The following FTO variants were observed in gnomAD, a reference collection of about 807,000 sequenced individuals.
FTO encodes the protein FTO alpha-ketoglutarate dependent dioxygenase, also known as alpha-ketoglutarate-dependent dioxygenase FTO.
In FTO, 47 loss-of-function variants were observed where a neutral mutation model predicts 63.9. That is an observed-to-expected ratio of 0.74 (90% CI 0.58 to 0.94). The LOEUF (loss-of-function observed/expected upper bound fraction) is 0.94. FTO is among the 40% of genes least tolerant of loss of function. The pLI is 0.00. For missense variants in FTO, 562 were observed against 618.1 expected, an observed-to-expected ratio of 0.91 and a Z score of 0.96; for synonymous variants, 207 against 224.4, an observed-to-expected ratio of 0.92 and a Z score of 0.69.
At position 53,791,447 on chromosome 16, in the gene FTO, T is replaced by TA. The variant is rs537835340; in HGVS notation, c.46-18692dup. On this transcript the variant is annotated intron_variant, in intron 1 of 8. Coordinates refer to ENST00000471389, the MANE Select transcript of FTO (RefSeq NM_001080432.3). ...TGTAGGCTACTTAAAGAGATACCTATACACCTGCAGTTAAAATCCAAGTAA... is the reference window on the plus strand; with the variant it reads ...TGTAGGCTACTTAAAGAGATACCTATAACACCTGCAGTTAAAATCCAAGTAA... Among the ~76,000 whole-genome samples the TA allele has an allele frequency of 7.7e-4, 118 of 152,322 alleles. No homozygotes were observed. In the East Asian group the frequency reaches 0.019, roughly 24 times the overall value.
chr16:54,035,080 G>T (rs564797643), intron 8 of FTO, among the ~76,000 whole-genome samples: 2 of 152,346 alleles, frequency 1.3e-5, no homozygotes, highest in South Asian at 4.1e-4. Context: ...TGGTTTGAAA[G>T]AATTCATACA....
At chr16:53,934,656 C>G (rs2143272424) in intron 8 of FTO, among the ~76,000 whole-genome samples, 1 of 152,210 alleles carries the variant, frequency 6.6e-6, no homozygotes, top group African/African-American at 2.4e-5. Context: ...TGCTCGGGGG[C>G]TGCAAACCTG....
At chr16:53,782,381 T>C (rs1332305778) in intron 1 of FTO, among the ~76,000 whole-genome samples, 1 of 152,148 alleles carries the variant, frequency 6.6e-6, no homozygotes, top group Non-Finnish European at 1.5e-5. Context: ...GAGCCTGTGG[T>C]TTTTGCCTTA....
intron 3 of FTO, among the ~76,000 whole-genome samples, chr16:53,837,631 G>C (rs1440611739): frequency 1.3e-5 from 2 of 152,108 alleles, no homozygotes; most frequent in Non-Finnish European, 2.9e-5. Context: ...AACCCGTCAA[G>C]GAAAGCATTT....
chr16:54,000,983 G>C (rs1157882440), intron 8 of FTO, among the ~76,000 whole-genome samples: 2 of 152,142 alleles, frequency 1.3e-5, no homozygotes, highest in Non-Finnish European at 2.9e-5. Context: ...ATTTTCCCCA[G>C]CTATAAAATG....
chr16:53,858,342 G>A (rs921482992), intron 4 of FTO, among the ~76,000 whole-genome samples: 4 of 151,988 alleles, frequency 2.6e-5, no homozygotes, highest in East Asian at 1.9e-4. Flanking sequence ...AGCTTCAAAC[G>A]GAAATGTTCA....
At chr16:53,954,450 AT>A (rs1567470128) in intron 8 of FTO, among the ~76,000 whole-genome samples, 1 of 152,134 alleles carries the variant, frequency 6.6e-6, no homozygotes, top group African/African-American at 2.4e-5. Context: ...TACCTTGACT[AT>A]TCCTGAAACT....
chr16:53,722,786 C>T (rs1382928285), intron 1 of FTO, among the ~76,000 whole-genome samples: 1 of 150,980 alleles, frequency 6.6e-6, no homozygotes, highest in Non-Finnish European at 1.5e-5. Flanking sequence ...TGAGGTTGCA[C>T]CACTGCACTC....
At chr16:54,002,953 T>TG (rs1308534450) in intron 8 of FTO, among the ~76,000 whole-genome samples, 1 of 152,218 alleles carries the variant, frequency 6.6e-6, no homozygotes, top group African/African-American at 2.4e-5. Flanking sequence ...CATCCTCCCC[T>TG]GGGGGGCTCT....
At chr16:53,759,203 A>G (rs572439053) in intron 1 of FTO, among the ~76,000 whole-genome samples, 3 of 152,228 alleles carry the variant, frequency 2.0e-5, no homozygotes, top group Non-Finnish European at 4.4e-5. Flanking sequence ...TGAAAATATG[A>G]TAGCAGAAAT....
rs1023187671 is a variant in FTO, at chr16:53,784,574, G to T, written c.46-25566G>T. Reference sequence around the variant, plus strand: ...TGTTGGCAGGGAGAGGCTCCTCTGGGTGGGACTTGGGGCATCCTACCAGCG... The same window carrying T: ...TGTTGGCAGGGAGAGGCTCCTCTGGTTGGGACTTGGGGCATCCTACCAGCG... On this transcript the variant is annotated intron_variant, in intron 1 of 8. Transcript: ENST00000471389. Among the ~76,000 whole-genome samples, 17 of 152,138 alleles carry T rather than the reference G, an allele frequency of 1.1e-4. No homozygotes were observed. In the East Asian group the frequency reaches 3.3e-3, roughly 29 times the overall value.
intron 4 of FTO, among the ~76,000 whole-genome samples, chr16:53,856,514 C>A (rs968771121): frequency 3.3e-5 from 5 of 152,040 alleles, no homozygotes; most frequent in African/African-American, 1.2e-4. Flanking sequence ...AATTGAGAGA[C>A]CGAGGCAGGT....
At chr16:53,988,987 T>C (rs917022356) in intron 8 of FTO, among the ~76,000 whole-genome samples, 2 of 151,984 alleles carry the variant, frequency 1.3e-5, no homozygotes, top group Non-Finnish European at 2.9e-5. Context: ...GCCATAAAAA[T>C]GAAAAGAAAT....
rs780096283 is a variant in FTO at position 53,826,576 on chromosome 16, C to A, written c.751+85C>A. 282 of 1,257,774 alleles carry A rather than the reference C, an allele frequency of 2.2e-4. 1 individual carries two copies. Among genetic ancestry groups the A allele is most frequent in the Non-Finnish European group, 3.1e-4 (270 of 864,498 alleles). The allele number at this position is 1,257,774 out of a possible 1,614,324, so 77.9% of individuals were successfully genotyped here. On this transcript the variant is annotated intron_variant, in intron 3 of 8. Coordinates refer to ENST00000471389, the MANE Select transcript of FTO (RefSeq NM_001080432.3). ...GGCTCTGGAGATACACACGCATATA[C>A]ATGAACATGTTTGCATGTGTGCTTG...
intron 1 of FTO, among the ~76,000 whole-genome samples, chr16:53,777,285 C>A (rs1287651353): frequency 2.0e-5 from 3 of 152,068 alleles, no homozygotes; most frequent in Non-Finnish European, 4.4e-5. Context: ...TTTTTAGATT[C>A]CATATTTTAG....
At position 53,799,975 on chromosome 16, in the gene FTO, A is replaced by AT. The variant is rs200104363; in HGVS notation, c.46-10156dup. On this transcript the variant is annotated intron_variant, in intron 1 of 8. Transcript: ENST00000471389. The stretch of plus-strand genomic sequence containing the variant: ...TCTCAAAGAACTAGCTTTTGGCTTC[A>AT]TTTTTTTTTAACTTTTCTGTTTTCT... 3.6e-3 allele frequency among the ~76,000 whole-genome samples: 545 copies of AT among 149,556 alleles called. 4 individuals are homozygous for AT. The highest frequency in any genetic ancestry group is 0.012 in the African/African-American group (504 of 40,784).
chr16:53,844,324 A>G (rs776350276), intron 4 of FTO, 26 bp downstream of exon 4: 2 of 1,571,342 alleles, frequency 1.3e-6, no homozygotes, highest in Non-Finnish European at 1.8e-6. Context: ...TCAAAATTAT[A>G]TTGAAACTCT....
At chr16:54,026,675 T>G (rs1241063856) in intron 8 of FTO, among the ~76,000 whole-genome samples, 1 of 152,158 alleles carries the variant, frequency 6.6e-6, no homozygotes, top group African/African-American at 2.4e-5. Flanking sequence ...CTGGCAGCCC[T>G]TGATGTTGGC....
chr16:54,109,279 CAG>C (rs1281714690), intron 8 of FTO, among the ~76,000 whole-genome samples: 1 of 152,214 alleles, frequency 6.6e-6, no homozygotes, highest in Non-Finnish European at 1.5e-5. Context: ...GCTTGTCTGT[CAG>C]AGCTTGCATG....
Sources: allele counts gnomAD v4.1 joint callset (sites outside exome capture counted in the v4.1 genomes callset), GRCh38; gene constraint gnomAD v4.1.1; transcripts MANE v1.5; gene names NCBI Gene and HGNC (gene_info 2026-07-23, HGNC 2026-07-21).